The following DYRK1A variants were observed in gnomAD, a reference collection of about 807,000 sequenced individuals.
DYRK1A encodes dual specificity tyrosine phosphorylation regulated kinase 1A, also known as dual specificity tyrosine-phosphorylation-regulated kinase 1A.
In DYRK1A, 9 loss-of-function variants were observed where a neutral mutation model predicts 79.7. The ratio of observed to expected loss-of-function variants is 0.11; its 90% CI spans 0.07 to 0.20. The LOEUF is 0.20. Ranked by LOEUF, DYRK1A falls within the 10% of genes least tolerant of loss-of-function variation. The pLI is 1.00. For synonymous variants in DYRK1A, 349 were observed against 329.7 expected, an observed-to-expected ratio of 1.06 and a Z score of -0.63; for missense variants, 622 against 956.0, an observed-to-expected ratio of 0.65 and a Z score of 4.61.
rs2052038561 is a variant in DYRK1A, at chr21:37,466,750, G to T, written c.11-5934G>T. ...ATCCAGTATAACACTTTAAGTAGGA[G>T]ATTTTTAATACATTGTTGTTGGTAA... is the stretch of plus-strand genomic sequence containing the variant. On this transcript the variant is annotated intron_variant, in intron 2 of 11. Coordinates refer to ENST00000647188, the MANE Select transcript of DYRK1A (RefSeq NM_001347721.2). 2.0e-5 allele frequency among the ~76,000 whole-genome samples: 3 copies of T among 151,984 alleles called. No individual in the cohort carries two copies. The South Asian group carries it at 6.2e-4, about 32-fold the overall frequency.
intron 1 of DYRK1A, among the ~76,000 whole-genome samples, chr21:37,411,417 A>G (rs1260619661): frequency 7.3e-6 from 1 of 136,126 alleles, no homozygotes; most frequent in Non-Finnish European, 1.5e-5. Flanking sequence ...TGTAGTTTTG[A>G]CTGAAAGGAC....
rs1441878840 is a variant in DYRK1A at position 37,398,153 on chromosome 21, C to T, written c.-76-22146C>T. ...ATGTGTATATATATATATTTTTTTACCCTGCAGTGTACACACACACACATA... is the reference window on the plus strand; with the variant it reads ...ATGTGTATATATATATATTTTTTTATCCTGCAGTGTACACACACACACATA... On this transcript the variant is annotated intron_variant, in intron 1 of 11. Transcript: ENST00000647188. Among the ~76,000 whole-genome samples, 4 of 145,608 alleles carry T rather than the reference C, an allele frequency of 2.7e-5. No homozygotes were observed. The East Asian group carries it at 7.9e-4, about 29-fold the overall frequency.
intron 9 of DYRK1A, among the ~76,000 whole-genome samples, chr21:37,497,155 C>T (rs1375828115): frequency 3.3e-5 from 5 of 151,712 alleles, no homozygotes; most frequent in Non-Finnish European, 5.9e-5. Context: ...TTTTAGCGGA[C>T]GCTGCCACCA....
chr21:37,377,619 C>T (rs1444984212), intron 1 of DYRK1A, among the ~76,000 whole-genome samples: 1 of 152,140 alleles, frequency 6.6e-6, no homozygotes, highest in Non-Finnish European at 1.5e-5. Context: ...TAGGTGTACA[C>T]CACCACACCC....
chr21:37,467,132 A>G (rs906124434), intron 2 of DYRK1A, among the ~76,000 whole-genome samples: 3 of 151,742 alleles, frequency 2.0e-5, no homozygotes, highest in Non-Finnish European at 4.4e-5. Context: ...CAAAACAAAA[A>G]AACGGAAACT....
chr21:37,510,753 G>A (rs1177455030), intron 11 of DYRK1A, among the ~76,000 whole-genome samples: 1 of 151,898 alleles, frequency 6.6e-6, no homozygotes, highest in Non-Finnish European at 1.5e-5. Flanking sequence ...CTTGTCTACT[G>A]TGTCCAGCAG....
chr21:37,466,104 ACTAC>A (rs1331887517), intron 2 of DYRK1A, among the ~76,000 whole-genome samples: 6 of 152,316 alleles, frequency 3.9e-5, no homozygotes, highest in Middle Eastern at 3.4e-3. Flanking sequence ...AATCAAGGGA[ACTAC>A]CTGTTTCTTT....
At chr21:37,490,508 AGTAG>A (rs781658430) in intron 7 of DYRK1A, 47 bp downstream of exon 7, 6 of 1,564,922 alleles carry the variant, frequency 3.8e-6, no homozygotes, top group Non-Finnish European at 5.2e-6. Context: ...ATTAAATAGA[AGTAG>A]GTAGGACAGT....
chr21:37,489,623 G>C (rs2053005985), intron 6 of DYRK1A, among the ~76,000 whole-genome samples: 2 of 139,632 alleles, frequency 1.4e-5, no homozygotes, highest in African/African-American at 2.6e-5. Context: ...TGTTGTATTT[G>C]CCTAAAGGGT....
chr21:37,467,963 C>G (rs1378826079), intron 2 of DYRK1A, among the ~76,000 whole-genome samples: 1 of 152,128 alleles, frequency 6.6e-6, no homozygotes, highest in Non-Finnish European at 1.5e-5. Context: ...ATTACTGATA[C>G]AGGTAAATCC....
intron 1 of DYRK1A, among the ~76,000 whole-genome samples, chr21:37,416,682 GTTTAA>G (rs963217596): frequency 1.2e-4 from 19 of 152,138 alleles, no homozygotes; most frequent in African/African-American, 4.6e-4. Flanking sequence ...AATGACATAA[GTTTAA>G]TTTATGTAAT....
intron 2 of DYRK1A, among the ~76,000 whole-genome samples, chr21:37,436,866 G>A (rs999708874): frequency 6.6e-6 from 1 of 152,146 alleles, no homozygotes; most frequent in Non-Finnish European, 1.5e-5. Flanking sequence ...TAACAGAGGT[G>A]GATATGTCTT....
At position 37,493,064 on chromosome 21, in the gene DYRK1A, A is replaced by C. The variant is rs2053149373; in HGVS notation, c.972A>C (p.Leu324=). Residue 324 remains leucine (L), a synonymous_variant, in exon 8 of 12, where the codon CTA becomes CTC. Transcript: ENST00000647188. ...QSRFYRSPEV[L]LGMPYDLAID... is the part of the protein sequence containing the mutation. ...GCTTTTATCGGTCTCCAGAGGTGCT[A>C]CTGGGAATGCCTTATGACCTTGCCA... 3 of 1,611,418 alleles carry C rather than the reference A, an allele frequency of 1.9e-6. No individual in the cohort carries two copies. The highest frequency in any genetic ancestry group is 1.1e-5 in the South Asian group (1 of 91,030).
At chr21:37,505,718 TTTGTAG>T (rs1277897320) in intron 10 of DYRK1A, 129 bp downstream of exon 10, 15 of 1,034,530 alleles carry the variant, frequency 1.4e-5, no homozygotes, top group Non-Finnish European at 2.0e-5. Context: ...AAATCTGTTC[TTTGTAG>T]TTAGTAGTAA....
In DYRK1A at chr21:37,490,323, T is replaced by C. The variant is rs1049788; in HGVS notation, c.786T>C (p.Thr262=). Residue 262 remains threonine (T), a synonymous_variant, in exon 7 of 12, where the codon ACT becomes ACC. Transcript: ENST00000647188. ...LTRKFAQQMC[T]ALLFLATPEL... is the part of the protein sequence containing the mutation. The stretch of plus-strand genomic sequence containing the variant: ...GAAAGTTTGCGCAACAGATGTGCAC[T>C]GCACTGCTTTTCCTTGCGACTCCAG... The C allele has an allele frequency of 6.2e-7, 1 of 1,613,832 alleles. No individual in the cohort carries two copies. The highest frequency in any genetic ancestry group is 8.5e-7 in the Non-Finnish European group (1 of 1,179,780).
At chr21:37,486,391 T>C (rs1232777996) in intron 5 of DYRK1A, 76 bp from the exon 6 acceptor site, 8 of 1,166,324 alleles carry the variant, frequency 6.9e-6, no homozygotes, top group South Asian at 2.2e-5. Context: ...GTAAATGTTA[T>C]AATTAAGGTG....
At chr21:37,425,689 G>T (rs1346073973) in intron 2 of DYRK1A, 2 of 150,956 alleles carry the variant, frequency 1.3e-5, no homozygotes, top group African/African-American at 4.8e-5. Context: ...TTTTCCTCTA[G>T]AAGAGACAGA....
chr21:37,443,473 G>A (rs899036997), intron 2 of DYRK1A, among the ~76,000 whole-genome samples: 1 of 152,124 alleles, frequency 6.6e-6, no homozygotes, highest in Non-Finnish European at 1.5e-5. Context: ...TCACTTTGTC[G>A]GGTGCCGAGT....
At chr21:37,412,683 G>A (rs73216444) in intron 1 of DYRK1A, among the ~76,000 whole-genome samples, 11,480 of 152,218 alleles carry the variant, frequency 0.075, 645 homozygotes, top group Non-Finnish European at 0.11. Context: ...AAAATGGATA[G>A]GATTTAGTAA....
Sources: gnomAD v4.1 joint callset for allele counts (sites outside exome capture counted in the v4.1 genomes callset) on GRCh38, gnomAD v4.1.1 for gene constraint, MANE v1.5 for transcripts, NCBI Gene and HGNC (gene_info 2026-07-23, HGNC 2026-07-21) for gene names.